PRKG1: variants seen among roughly 807,000 people sequenced by gnomAD.
The protein encoded by PRKG1 is protein kinase cGMP-dependent 1, also known as cGMP-dependent protein kinase 1.
In PRKG1, 35 loss-of-function variants were observed where a neutral mutation model predicts 88.1. The ratio of observed to expected loss-of-function variants is 0.40; its 90% CI spans 0.30 to 0.53. PRKG1 has a LOEUF of 0.53. Ranked by LOEUF, PRKG1 falls within the 20% of genes least tolerant of loss-of-function variation. PRKG1 has a pLI of 0.59. For synonymous variants in PRKG1, 303 were observed against 292.5 expected, an observed-to-expected ratio of 1.04 and a Z score of -0.37; for missense variants, 540 against 839.8, an observed-to-expected ratio of 0.64 and a Z score of 4.41.
intron 2 of PRKG1, among the ~76,000 whole-genome samples, chr10:51,434,075 G>C (rs753210511): frequency 2.6e-5 from 4 of 152,114 alleles, no homozygotes; most frequent in African/African-American, 4.8e-5. Context: ...CTTTTCCCCA[G>C]TGCATTGCAA....
intron 7 of PRKG1, among the ~76,000 whole-genome samples, chr10:52,123,346 T>C (rs896102978): frequency 1.3e-5 from 2 of 152,118 alleles, no homozygotes; most frequent in Non-Finnish European, 2.9e-5. Flanking sequence ...AGAATAAACC[T>C]TGGAGTTGGT....
intron 5 of PRKG1, among the ~76,000 whole-genome samples, chr10:52,012,852 A>G (rs991332817): frequency 2.0e-5 from 3 of 152,200 alleles, no homozygotes; most frequent in African/African-American, 7.2e-5. Flanking sequence ...ACAGAATACC[A>G]TGTGTGAGAT....
chr10:51,130,572 T>C (rs968213734), intron 1 of PRKG1, among the ~76,000 whole-genome samples: 21 of 151,314 alleles, frequency 1.4e-4, no homozygotes, highest in Admixed American at 4.6e-4. Context: ...TCCATCTACT[T>C]TTTTTTATTT....
In PRKG1 at chr10:51,429,796, G is replaced by GA. The variant is rs563042058; in HGVS notation, c.479-37917dup. On this transcript the variant is annotated intron_variant, in intron 2 of 17. Coordinates refer to ENST00000373980, the MANE Select transcript of PRKG1 (RefSeq NM_006258.4). ...AAAACAGAAGAAGAAAAGCATAGAA[G>GA]AAAAAAAAAACAGAAGAAGGAAAAC... 5.5e-3 allele frequency among the ~76,000 whole-genome samples: 758 copies of GA among 138,428 alleles called. 2 individuals are homozygous for GA. The highest frequency in any genetic ancestry group is 0.017 in the African/African-American group (637 of 37,790). The allele number at this position is 138,428 out of a possible 152,430, so 90.8% of individuals were successfully genotyped here.
intron 4 of PRKG1, among the ~76,000 whole-genome samples, chr10:51,816,395 A>C (rs970891637): frequency 2.8e-4 from 43 of 152,332 alleles, no homozygotes; most frequent in African/African-American, 1.0e-3. Flanking sequence ...AAATACTTGT[A>C]AACTTTTTAT....
intron 4 of PRKG1, among the ~76,000 whole-genome samples, chr10:51,805,918 C>T (rs190311377): frequency 1.3e-5 from 2 of 152,170 alleles, no homozygotes; most frequent in East Asian, 3.9e-4. Flanking sequence ...GATGAAGAAA[C>T]ACTTAGAAGA....
chr10:51,382,952 T>A (rs1188004982), intron 2 of PRKG1, among the ~76,000 whole-genome samples: 1 of 152,158 alleles, frequency 6.6e-6, no homozygotes, highest in Non-Finnish European at 1.5e-5. Flanking sequence ...ATTTGTGTCA[T>A]ATGCCCACAC....
At chr10:51,950,732 C>T (rs1312113384) in intron 5 of PRKG1, among the ~76,000 whole-genome samples, 1 of 152,230 alleles carries the variant, frequency 6.6e-6, no homozygotes, top group Non-Finnish European at 1.5e-5. Flanking sequence ...AGTCCCTGGC[C>T]CCATGGCATG....
intron 5 of PRKG1, among the ~76,000 whole-genome samples, chr10:52,013,795 A>C (rs1659538267): frequency 6.6e-6 from 1 of 152,204 alleles, no homozygotes. Context: ...TAGCTATGGC[A>C]GCAGTATGAA....
At chr10:52,059,962 C>T (rs1421684170) in intron 6 of PRKG1, among the ~76,000 whole-genome samples, 2 of 151,610 alleles carry the variant, frequency 1.3e-5, no homozygotes, top group Admixed American at 6.6e-5. Context: ...TAATGAAGAG[C>T]AAAACACCAA....
At chr10:51,248,803 C>CA (rs139015712) in intron 2 of PRKG1, among the ~76,000 whole-genome samples, 19,605 of 148,958 alleles carry the variant, frequency 0.13, 1,911 homozygotes, top group African/African-American at 0.28. Context: ...ATAGAAATTA[C>CA]AAAAAAAAAC....
chr10:52,070,380 A>G (rs1313323907), intron 7 of PRKG1, among the ~76,000 whole-genome samples: 1 of 152,220 alleles, frequency 6.6e-6, no homozygotes, highest in African/African-American at 2.4e-5. Context: ...TCAAATCACC[A>G]TTCCTTTGTA....
rs189611808 is a variant in PRKG1, at chr10:51,013,106, T to A, written c.266+21462T>A. 5.3e-5 allele frequency among the ~76,000 whole-genome samples: 8 copies of A among 152,272 alleles called. No individual in the cohort carries two copies. In the East Asian group the frequency reaches 1.5e-3, roughly 29 times the overall value. On this transcript the variant is annotated intron_variant, in intron 1 of 17. Coordinates refer to the PRKG1 transcript ENST00000401604. ...CCAGCTCATCCGAAGGTAGTAAAGG[T>A]TAGAGGTTAAGAACATGAACCAAGG...
intron 5 of PRKG1, among the ~76,000 whole-genome samples, chr10:51,915,116 T>C (rs1489985022): frequency 1.3e-5 from 2 of 152,150 alleles, no homozygotes; most frequent in East Asian, 3.9e-4. Flanking sequence ...TGTTCCTCAG[T>C]TTTACTGTCC....
chr10:52,256,337 T>G (rs1015292604), intron 10 of PRKG1, among the ~76,000 whole-genome samples: 1 of 139,032 alleles, frequency 7.2e-6, no homozygotes, highest in African/African-American at 2.5e-5. Context: ...TTTCTGCTCC[T>G]AGTTTAATGG....
At chr10:51,374,093 A>AAAAAAAATATATATATAT in intron 2 of PRKG1, among the ~76,000 whole-genome samples, 4 of 100,188 alleles carry the variant, frequency 4.0e-5, no homozygotes, top group African/African-American at 1.0e-4. Context: ...AAAAAAAAAA[A>AAAAAAAATATATATATAT]ATATATATAT....
chr10:51,711,902 C>T (rs1393198766), intron 3 of PRKG1, among the ~76,000 whole-genome samples: 1 of 152,118 alleles, frequency 6.6e-6, no homozygotes, highest in Admixed American at 6.5e-5. Context: ...TTCTTCTTTT[C>T]TCTTTAAATA....
At chr10:51,531,948 A>AT (rs1396146350) in intron 3 of PRKG1, among the ~76,000 whole-genome samples, 2 of 151,862 alleles carry the variant, frequency 1.3e-5, no homozygotes, top group African/African-American at 2.4e-5. Context: ...CTGCCAAAGA[A>AT]TTTTTTTAAA....
At chr10:51,280,376 T>C (rs1447029810) in intron 2 of PRKG1, among the ~76,000 whole-genome samples, 2 of 152,174 alleles carry the variant, frequency 1.3e-5, no homozygotes, top group Non-Finnish European at 1.5e-5. Flanking sequence ...AGGAGTATCT[T>C]TGTGGCATTC....
Sources: allele counts gnomAD v4.1 joint callset (sites outside exome capture counted in the v4.1 genomes callset), GRCh38; gene constraint gnomAD v4.1.1; transcripts MANE v1.5; gene names NCBI Gene and HGNC (gene_info 2026-07-23, HGNC 2026-07-21).